ATRN: variants seen among roughly 807,000 people sequenced by gnomAD.
ATRN encodes attractin-2.
A neutral mutation model predicts 178.7 loss-of-function variants in ATRN; 54 were observed. That is an observed-to-expected ratio of 0.30 (90% CI 0.24 to 0.38). The LOEUF (loss-of-function observed/expected upper bound fraction) is 0.38, where lower values mean the gene tolerates loss of function less well. Ranked by LOEUF, ATRN falls within the 10% of genes least tolerant of loss-of-function variation. The pLI is 1.00. For missense variants in ATRN, 1,443 were observed against 1,815.1 expected, an observed-to-expected ratio of 0.79 and a Z score of 3.73; for synonymous variants, 636 against 663.0, an observed-to-expected ratio of 0.96 and a Z score of 0.63.
intron 28 of ATRN, among the ~76,000 whole-genome samples, chr20:3,644,639 C>T (rs1171683471): frequency 2.0e-5 from 3 of 152,300 alleles, no homozygotes; most frequent in East Asian, 1.9e-4. Context: ...GGGTGTGCTC[C>T]CTTCACCCTG....
chr20:3,592,826 G>A (rs984449203), intron 19 of ATRN, among the ~76,000 whole-genome samples: 1 of 152,190 alleles, frequency 6.6e-6, no homozygotes, highest in African/African-American at 2.4e-5. Flanking sequence ...CAGGATACTA[G>A]TCAATACTTA....
At chr20:3,570,736 A>T (rs1339443615) in intron 11 of ATRN, among the ~76,000 whole-genome samples, 1 of 152,194 alleles carries the variant, frequency 6.6e-6, no homozygotes, top group East Asian at 1.9e-4. Flanking sequence ...CTCATTGTGA[A>T]CATTTCTTCA....
chr20:3,540,732 A>G (rs1211888676), intron 3 of ATRN, among the ~76,000 whole-genome samples: 1 of 152,194 alleles, frequency 6.6e-6, no homozygotes, highest in African/African-American at 2.4e-5. Flanking sequence ...CCCACTGCAT[A>G]GGCCTTCAGG....
chr20:3,565,796 C>CAAAAAAA (rs10582104), intron 11 of ATRN, among the ~76,000 whole-genome samples: 5 of 100,236 alleles, frequency 5.0e-5, no homozygotes, highest in Middle Eastern at 4.6e-3. Flanking sequence ...GACTCTGTCT[C>CAAAAAAA]AAAAAAAAAA....
chr20:3,618,780 G>C (rs1025934024), intron 24 of ATRN, among the ~76,000 whole-genome samples: 3 of 152,202 alleles, frequency 2.0e-5, no homozygotes, highest in African/African-American at 7.2e-5. Flanking sequence ...TGGTCATATG[G>C]ATCTGGTCCA....
intron 26 of ATRN, among the ~76,000 whole-genome samples, chr20:3,636,685 C>T (rs1263440160): frequency 6.6e-6 from 1 of 152,150 alleles, no homozygotes; most frequent in Non-Finnish European, 1.5e-5. Flanking sequence ...TATTGTCCCT[C>T]GTTATGTTTT....
In ATRN at chr20:3,572,779, C is replaced by T; in HGVS notation, c.1920C>T (p.Ile640=). Residue 640 remains isoleucine, a synonymous_variant, in exon 12 of 29, where the codon ATC becomes ATT. Coordinates refer to ENST00000262919, the MANE Select transcript of ATRN (RefSeq NM_139321.3). The part of the protein sequence containing the change: ...GGFNSLLLSD[I]LVFTSEQCDA... ...TCAATAGTCTCCTCCTCAGCGACAT[C>T]CTGGTATTCACCTCGGAACAGTGTG... is the stretch of plus-strand genomic sequence containing the variant. The T allele has an allele frequency of 6.2e-7, 1 of 1,613,994 alleles. No individual in the cohort carries two copies. The highest frequency in any genetic ancestry group is 1.1e-5 in the South Asian group (1 of 91,066).
chr20:3,588,141 C>T (rs1189260166), intron 18 of ATRN, among the ~76,000 whole-genome samples: 1 of 152,234 alleles, frequency 6.6e-6, no homozygotes, highest in Admixed American at 6.5e-5. Flanking sequence ...AGCCACCACG[C>T]CTGGCCCTTG....
chr20:3,478,921 CTTTTTTTTTTT>C (rs71331052), intron 1 of ATRN, among the ~76,000 whole-genome samples: 4 of 126,004 alleles, frequency 3.2e-5, no homozygotes, highest in South Asian at 2.5e-4. Flanking sequence ...AATTCATACC[CTTTTTTTTTTT>C]TTTTTTTTTG....
At chr20:3,472,009 A>G (rs978041644) in intron 1 of ATRN, among the ~76,000 whole-genome samples, 1 of 152,180 alleles carries the variant, frequency 6.6e-6, no homozygotes. Flanking sequence ...TAAAAGGGAA[A>G]GGGTAGCATT....
chr20:3,485,104 A>G (rs571744387), intron 1 of ATRN, among the ~76,000 whole-genome samples: 8 of 152,156 alleles, frequency 5.3e-5, no homozygotes, highest in Non-Finnish European at 2.9e-5. Flanking sequence ...TCTTTGTACC[A>G]GAGGCTGGCT....
chr20:3,580,925 G>C (rs1034696396), intron 15 of ATRN, among the ~76,000 whole-genome samples: 4 of 152,100 alleles, frequency 2.6e-5, no homozygotes, highest in African/African-American at 9.7e-5. Context: ...TCTTTTAGTA[G>C]GCATGTGTAT....
chr20:3,629,412 T>C, intron 25 of ATRN: 1 of 599,292 alleles, frequency 1.7e-6, no homozygotes, highest in Non-Finnish European at 2.1e-6. Flanking sequence ...TGAGCATTTG[T>C]ACATGCTTAT....
chr20:3,575,120 T>C (rs2086188245), intron 12 of ATRN, among the ~76,000 whole-genome samples: 1 of 152,186 alleles, frequency 6.6e-6, no homozygotes, highest in Non-Finnish European at 1.5e-5. Context: ...CGCGCCACTA[T>C]GCCCAGCTAA....
intron 15 of ATRN, among the ~76,000 whole-genome samples, chr20:3,580,592 GAGA>G (rs1257382470): frequency 5.9e-5 from 9 of 152,188 alleles, no homozygotes; most frequent in Non-Finnish European, 1.0e-4. Context: ...CCCTGCAGGT[GAGA>G]AGGAGTGAAT....
At chr20:3,584,479 T>C (rs971197355) in intron 17 of ATRN, among the ~76,000 whole-genome samples, 168 bp from the exon 18 acceptor site, 1 of 152,230 alleles carries the variant, frequency 6.6e-6, no homozygotes, top group Admixed American at 6.5e-5. Context: ...ATCTCTGTTA[T>C]GTATTGGGCA....
intron 1 of ATRN, among the ~76,000 whole-genome samples, chr20:3,531,245 A>G (rs563506976): frequency 1.2e-4 from 18 of 152,336 alleles, no homozygotes; most frequent in African/African-American, 4.1e-4. Context: ...AGAAACAGGA[A>G]CACCTAGTGC....
At chr20:3,561,811 T>G (rs1026848519) in intron 8 of ATRN, among the ~76,000 whole-genome samples, 1 of 152,230 alleles carries the variant, frequency 6.6e-6, no homozygotes, top group East Asian at 1.9e-4. Flanking sequence ...CACTGCAGCC[T>G]TGATGCCCTG....
intron 1 of ATRN, among the ~76,000 whole-genome samples, chr20:3,476,753 A>T (rs1050944732): frequency 3.3e-5 from 5 of 152,136 alleles, no homozygotes; most frequent in Non-Finnish European, 7.4e-5. Flanking sequence ...CCAGCTACTC[A>T]GGAGGCTGAG....
Sources: allele counts gnomAD v4.1 joint callset (sites outside exome capture counted in the v4.1 genomes callset), GRCh38; gene constraint gnomAD v4.1.1; transcripts MANE v1.5; gene names NCBI Gene and HGNC (gene_info 2026-07-23, HGNC 2026-07-21).